The following PABPC4L variants were observed in gnomAD, a reference collection of about 807,000 sequenced individuals.
PABPC4L encodes the protein polyadenylate-binding protein 4-like.
For synonymous variants in PABPC4L, 169 were observed against 164.1 expected, an observed-to-expected ratio of 1.03 and a Z score of -0.23; for missense variants, 452 against 451.4, an observed-to-expected ratio of 1.00 and a Z score of -0.01.
chr4:134,057,906 A>G, the PABPC4L span, among the ~76,000 whole-genome samples: 7 of 152,170 alleles, frequency 4.6e-5, no homozygotes, highest in East Asian at 1.4e-3. Context: ...TCTGGAAGCA[A>G]AGTAGCTATA....
chr4:134,111,115 C>T, the PABPC4L span, among the ~76,000 whole-genome samples: 1 of 152,034 alleles, frequency 6.6e-6, no homozygotes, highest in Non-Finnish European at 1.5e-5. Flanking sequence ...GGTCCATCCT[C>T]TGCTTCCAAA....
At chr4:133,959,003 A>T in the PABPC4L span, among the ~76,000 whole-genome samples, 1 of 152,200 alleles carries the variant, frequency 6.6e-6, no homozygotes, top group Non-Finnish European at 1.5e-5. Context: ...TCACTTCTTC[A>T]TCAAACTTTG....
At chr4:134,124,408 G>C in the PABPC4L span, among the ~76,000 whole-genome samples, 1 of 152,054 alleles carries the variant, frequency 6.6e-6, no homozygotes, top group Non-Finnish European at 1.5e-5. Context: ...GTCCCCAAAA[G>C]TTTACTAGTA....
the PABPC4L span, among the ~76,000 whole-genome samples, chr4:134,071,858 C>A: frequency 6.6e-6 from 1 of 152,050 alleles, no homozygotes; most frequent in South Asian, 2.1e-4. Flanking sequence ...TTTATAGTTG[C>A]CTGTTTGTCT....
chr4:133,992,199 C>T, the PABPC4L span, among the ~76,000 whole-genome samples: 1 of 152,110 alleles, frequency 6.6e-6, no homozygotes, highest in Non-Finnish European at 1.5e-5. Flanking sequence ...GTATGGTCGC[C>T]CTGCAAATGG....
At chr4:134,116,488 G>A in the PABPC4L span, among the ~76,000 whole-genome samples, 4 of 151,686 alleles carry the variant, frequency 2.6e-5, no homozygotes, top group African/African-American at 7.3e-5. Context: ...TAAAGCCATC[G>A]GAATCACTAA....
At chr4:134,115,350 TG>T in the PABPC4L span, among the ~76,000 whole-genome samples, 1 of 151,770 alleles carries the variant, frequency 6.6e-6, no homozygotes, top group Non-Finnish European at 1.5e-5. Flanking sequence ...AGTGATGACT[TG>T]CCTGAGTGTA....
At chr4:134,187,780 A>C in the PABPC4L span, among the ~76,000 whole-genome samples, 1 of 151,696 alleles carries the variant, frequency 6.6e-6, no homozygotes, top group Non-Finnish European at 1.5e-5. Flanking sequence ...TCTTCTCTTT[A>C]CTTGCTTCAT....
At chr4:133,979,086 G>T in the PABPC4L span, among the ~76,000 whole-genome samples, 157 of 152,220 alleles carry the variant, frequency 1.0e-3, 2 homozygotes, top group East Asian at 0.027. Context: ...TAAATGAAAA[G>T]ATTTTCCATG....
At chr4:134,009,763 A>T in the PABPC4L span, among the ~76,000 whole-genome samples, 1 of 152,104 alleles carries the variant, frequency 6.6e-6, no homozygotes, top group East Asian at 1.9e-4. Context: ...ATTGTGCAAA[A>T]AATCCTGAAT....
At chr4:134,194,461 A>G (rs1729600690), downstream of PABPC4L, among the ~76,000 whole-genome samples, 1 of 151,766 alleles carries the variant, frequency 6.6e-6, no homozygotes, top group Non-Finnish European at 1.5e-5. Context: ...TAACGTTTGA[A>G]TATGTTACCT....
At chr4:134,007,782 T>C in the PABPC4L span, among the ~76,000 whole-genome samples, 1 of 151,726 alleles carries the variant, frequency 6.6e-6, no homozygotes, top group Non-Finnish European at 1.5e-5. Context: ...AATAATGTCT[T>C]GAGTTTTCAA....
the PABPC4L span, among the ~76,000 whole-genome samples, chr4:133,964,484 C>T: frequency 6.6e-6 from 1 of 152,000 alleles, no homozygotes; most frequent in African/African-American, 2.4e-5. Context: ...CAGCATCACC[C>T]TAATACCCAA....
chr4:134,055,257 G>T, the PABPC4L span, among the ~76,000 whole-genome samples: 2 of 151,964 alleles, frequency 1.3e-5, no homozygotes, highest in African/African-American at 2.4e-5. Flanking sequence ...AGAATAAAGT[G>T]CACTATATAG....
the PABPC4L span, among the ~76,000 whole-genome samples, chr4:134,041,139 G>A: frequency 6.6e-6 from 1 of 152,084 alleles, no homozygotes; most frequent in South Asian, 2.1e-4. Context: ...GTGTAAATTA[G>A]GTCAATCATT....
chr4:134,153,022 T>C, the PABPC4L span, among the ~76,000 whole-genome samples: 1 of 152,240 alleles, frequency 6.6e-6, no homozygotes, highest in African/African-American at 2.4e-5. Context: ...ACTCTCACAC[T>C]AGAAAGGTTA....
At chr4:134,076,949 A>G in the PABPC4L span, among the ~76,000 whole-genome samples, 4 of 152,162 alleles carry the variant, frequency 2.6e-5, no homozygotes, top group Non-Finnish European at 5.9e-5. Context: ...ATCTCATAAA[A>G]TAATTATATT....
At chr4:134,049,716 T>A in the PABPC4L span, among the ~76,000 whole-genome samples, 1 of 152,216 alleles carries the variant, frequency 6.6e-6, no homozygotes, top group Non-Finnish European at 1.5e-5. Flanking sequence ...TTGCATATTC[T>A]GTTTAGGATA....
At chr4:134,107,003 G>C in the PABPC4L span, among the ~76,000 whole-genome samples, 1 of 151,316 alleles carries the variant, frequency 6.6e-6, no homozygotes, top group Admixed American at 6.6e-5. Flanking sequence ...ACTAAGTGGA[G>C]AATTTACCTA....
Sources: allele counts gnomAD v4.1 joint callset (sites outside exome capture counted in the v4.1 genomes callset), GRCh38; gene constraint gnomAD v4.1.1; transcripts MANE v1.5; gene names NCBI Gene and HGNC (gene_info 2026-07-23, HGNC 2026-07-21).